The following TRARG1 variants were observed in gnomAD, a reference collection of about 807,000 sequenced individuals.
The protein encoded by TRARG1 is trafficking regulator of GLUT4 1.
A neutral mutation model predicts 13.3 loss-of-function variants in TRARG1; 16 were observed. That is an observed-to-expected ratio of 1.20 (90% CI 0.81 to 1.83). TRARG1 has a LOEUF of 1.83. TRARG1 is among the 40% of genes most tolerant of loss of function. TRARG1 has a pLI of 0.00. For synonymous variants in TRARG1, 113 were observed against 106.2 expected (o/e 1.06, Z -0.39); for missense variants, 250 against 237.4 (o/e 1.05, Z -0.35).
chr17:1,299,833 C>T lies in TRARG1; in HGVS notation c.*1569C>T, dbSNP rs2072141808. On this transcript the variant is annotated 3_prime_UTR_variant, in exon 3 of 3. Transcript: ENST00000333813. Reference sequence around the variant, plus strand: ...GACCCTCCTGCCTCCTCTCCAGGCCCTTGTTCGCCTCCCCACCCTCCTCAG... The same window carrying T: ...GACCCTCCTGCCTCCTCTCCAGGCCTTTGTTCGCCTCCCCACCCTCCTCAG... The T allele has an allele frequency of 6.5e-6, 1 of 153,052 alleles. No homozygotes were observed. Among genetic ancestry groups the T allele is most frequent in the Non-Finnish European group, 1.5e-5 (1 of 68,738 alleles). The allele number at this position is 153,052 out of a possible 1,614,324, so 9.5% of individuals were successfully genotyped here. A position where few individuals can be genotyped will look rare whatever the true frequency, so the allele number is the denominator to read the frequency against.
At position 1,283,089 on chromosome 17, in the gene TRARG1, C is replaced by A. The variant is rs2071995785; in HGVS notation, c.387+2701C>A. ...TTGCCAATTCCCCAGAACCTCCAGTCCGGCAGGAAGGAACTCTTAAACAGA... is the reference window on the plus strand; with the variant it reads ...TTGCCAATTCCCCAGAACCTCCAGTACGGCAGGAAGGAACTCTTAAACAGA... On this transcript the variant is annotated intron_variant, in intron 1 of 2. Coordinates refer to ENST00000333813, the MANE Select transcript of TRARG1 (RefSeq NM_172367.3). 3.3e-5 allele frequency among the ~76,000 whole-genome samples: 5 copies of A among 152,192 alleles called. No individual in the cohort carries two copies. The South Asian group carries it at 1.0e-3, about 32-fold the overall frequency.
intron 1 of TRARG1, among the ~76,000 whole-genome samples, chr17:1,284,394 T>C (rs1197531634): frequency 2.6e-5 from 4 of 152,130 alleles, no homozygotes; most frequent in African/African-American, 7.2e-5. Context: ...AGGAGTGTGG[T>C]TGGATCTCCA....
intron 1 of TRARG1, among the ~76,000 whole-genome samples, chr17:1,289,696 C>T (rs931283450): frequency 4.0e-5 from 6 of 151,698 alleles, no homozygotes; most frequent in African/African-American, 1.2e-4. Flanking sequence ...CCCCACAGTC[C>T]TGTCTGTGGA....
rs760146336 is a variant in TRARG1, at chr17:1,280,005, G to A, written c.4G>A (p.Ala2Thr). ...GCCGCGCAAGGCCCAGGCCCCCATG[G>A]CCCACCCGGTGCAGTCCGAGTTTCC... is the stretch of plus-strand genomic sequence containing the variant. M[A>T]HPVQSEFPSA... The change falls in exon 1 of 3, where the codon GCC becomes ACC. Residue 2 changes from alanine (A) to threonine (T), a missense_variant. Physicochemically the swap from Ala to Thr is moderately conservative, Grantham distance 58. Transcript: ENST00000333813. 1.2e-6 allele frequency: 2 copies of A among 1,610,124 alleles called. No individual in the cohort carries two copies. Among genetic ancestry groups the A allele is most frequent in the Non-Finnish European group, 1.7e-6 (2 of 1,178,164 alleles).
chr17:1,286,797 A>G (rs1477454549), intron 1 of TRARG1, among the ~76,000 whole-genome samples: 4 of 133,654 alleles, frequency 3.0e-5, no homozygotes, highest in Admixed American at 1.5e-4. Context: ...AGGTGTTATC[A>G]GCCCGTGGGG....
Position 1,300,456 on chromosome 17 carries a change from A to C in TRARG1, c.*2192A>C, listed in dbSNP as rs1258490463. 6.6e-6 allele frequency: 1 copy of C among 152,324 alleles called. No homozygotes were observed. The highest frequency in any genetic ancestry group is 1.5e-5 in the Non-Finnish European group (1 of 68,322). The allele number at this position is 152,324 out of a possible 1,614,324, so 9.4% of individuals were successfully genotyped here. A position where few individuals can be genotyped will look rare whatever the true frequency, so the allele number is the denominator to read the frequency against. ...GGCTCTGCCGTGCACTCCTACACAC[A>C]CACACACACACACACACGCTTGTTC... On this transcript the variant is annotated 3_prime_UTR_variant, in exon 3 of 3. Transcript: ENST00000333813.
At chr17:1,280,507 G>A in intron 1 of TRARG1, 119 bp downstream of exon 1, 1 of 1,168,660 alleles carries the variant, frequency 8.6e-7, no homozygotes, top group Non-Finnish European at 1.2e-6. Flanking sequence ...GGAGTGGGGG[G>A]CTTGGGGAAG....
In TRARG1 at chr17:1,279,823, A is replaced by T. The variant is rs921908386; in HGVS notation, c.-179A>T. On this transcript the variant is annotated 5_prime_UTR_variant, in exon 1 of 3. Coordinates refer to ENST00000333813, the MANE Select transcript of TRARG1 (RefSeq NM_172367.3). ...CAGGCAGGCCCCAGCCTCTGAACTC[A>T]GCTGGCTTGAGAAGCTCAGCCCAAC... 6.2e-6 allele frequency: 4 copies of T among 645,612 alleles called. No individual in the cohort carries two copies. The African/African-American group carries it at 7.3e-5, about 12-fold the overall frequency. 40.0% of individuals were successfully genotyped at this position (645,612 alleles called of 1,614,324 possible).
chr17:1,293,286 A>AAAG (rs2072085980), intron 1 of TRARG1, among the ~76,000 whole-genome samples: 1 of 150,162 alleles, frequency 6.7e-6, no homozygotes. Flanking sequence ...TCTGTCTCAA[A>AAAG]AAAAAAAAAA....
chr17:1,291,691 CAA>C (rs914458249), intron 1 of TRARG1, among the ~76,000 whole-genome samples: 2 of 152,120 alleles, frequency 1.3e-5, no homozygotes, highest in Non-Finnish European at 2.9e-5. Context: ...GATACACGTT[CAA>C]AGAGTGCCAG....
At position 1,298,213 on chromosome 17, in the gene TRARG1, G is replaced by A. The variant is rs765540491; in HGVS notation, c.521-38G>A. 2.5e-6 allele frequency: 4 copies of A among 1,613,512 alleles called. No individual in the cohort carries two copies. The South Asian group carries it at 3.3e-5, about 13-fold the overall frequency. ...CAGGGACTTGAAGAGCCAGTGTTCT[G>A]AGCCCTGTTCTGCCATATCTGTTTT... On this transcript the variant is annotated intron_variant, in intron 2 of 2. Coordinates refer to ENST00000333813, the MANE Select transcript of TRARG1 (RefSeq NM_172367.3).
chr17:1,294,930 C>T lies in TRARG1; in HGVS notation c.388-561C>T, dbSNP rs566788746. On this transcript the variant is annotated intron_variant, in intron 1 of 2. Transcript: ENST00000333813. ...CAAACTCCTGGCCTCATGATCTGCC[C>T]GCCTCAGCCTCTCCAAGTGCTGGGA... is the stretch of plus-strand genomic sequence containing the variant. 2.4e-4 allele frequency among the ~76,000 whole-genome samples: 36 copies of T among 152,260 alleles called. No individual in the cohort carries two copies. The East Asian group carries it at 2.7e-3, about 11-fold the overall frequency.
chr17:1,287,421 C>G (rs967815289), intron 1 of TRARG1, among the ~76,000 whole-genome samples: 4 of 145,402 alleles, frequency 2.8e-5, no homozygotes, highest in Non-Finnish European at 6.0e-5. Flanking sequence ...AGTGCAGTGG[C>G]ACAATCTTTG....
chr17:1,285,745 G>C (rs947001515), intron 1 of TRARG1, among the ~76,000 whole-genome samples: 2 of 151,730 alleles, frequency 1.3e-5, no homozygotes, highest in African/African-American at 2.4e-5. Context: ...GAAGGGTAAG[G>C]TCGAGGAGGG....
chr17:1,280,147 G>T lies in TRARG1; in HGVS notation c.146G>T (p.Gly49Val). ...KTLNLSKTLS[G>V]PLDLEQNSQG... ...CTGAATCTGTCCAAGACCCTCTCGG[G>T]GCCTCTGGATCTGGAGCAGAACAGC... Residue 49 changes from glycine to valine, a missense_variant, in exon 1 of 3, where the codon GGG (glycine) becomes GTG (valine). Gly to Val is a moderately radical substitution (Grantham distance 109). Transcript: ENST00000333813. The T allele has an allele frequency of 1.9e-6, 3 of 1,613,994 alleles. No individual in the cohort carries two copies. The highest frequency in any genetic ancestry group is 1.7e-6 in the Non-Finnish European group (2 of 1,180,004).
chr17:1,296,487 G>T (rs1025941480), intron 2 of TRARG1, among the ~76,000 whole-genome samples: 5 of 147,020 alleles, frequency 3.4e-5, no homozygotes, highest in Non-Finnish European at 6.0e-5. Flanking sequence ...GAGCCGCCAC[G>T]CCCAGCCCAG....
chr17:1,285,217 C>T (rs2072012100), intron 1 of TRARG1, among the ~76,000 whole-genome samples: 1 of 151,928 alleles, frequency 6.6e-6, no homozygotes, highest in Admixed American at 6.6e-5. Flanking sequence ...CGAGACCAGC[C>T]TGGCTAACAT....
Position 1,299,850 on chromosome 17 carries a change from C to T in TRARG1, c.*1586C>T, listed in dbSNP as rs969998275. ...TCCAGGCCCTTGTTCGCCTCCCCAC[C>T]CTCCTCAGAGGCCCGGGGAAGGGAA... On this transcript the variant is annotated 3_prime_UTR_variant, in exon 3 of 3. Coordinates refer to ENST00000333813, the MANE Select transcript of TRARG1 (RefSeq NM_172367.3). The T allele has an allele frequency of 5.2e-5, 8 of 153,036 alleles. No individual in the cohort carries two copies. The East Asian group carries it at 5.8e-4, about 11-fold the overall frequency. 9.5% of individuals were successfully genotyped at this position (153,036 alleles called of 1,614,324 possible). A position where few individuals can be genotyped will look rare whatever the true frequency, so the allele number is the denominator to read the frequency against.
intron 1 of TRARG1, among the ~76,000 whole-genome samples, chr17:1,280,982 G>A (rs907997768): frequency 6.6e-6 from 1 of 152,250 alleles, no homozygotes; most frequent in African/African-American, 2.4e-5. Flanking sequence ...TCCCTCCGGA[G>A]CCCTCTGCAG....
Sources: gnomAD v4.1 joint callset for allele counts (sites outside exome capture counted in the v4.1 genomes callset) on GRCh38, gnomAD v4.1.1 for gene constraint, MANE v1.5 for transcripts, NCBI Gene and HGNC (gene_info 2026-07-23, HGNC 2026-07-21) for gene names.